The following SLC9A9 variants were observed in gnomAD, a reference collection of about 807,000 sequenced individuals.
The protein encoded by SLC9A9 is solute carrier family 9 member A9, also known as sodium/hydrogen exchanger 9.
In SLC9A9, 62 loss-of-function variants were observed where a neutral mutation model predicts 77.8. The observed-to-expected ratio is 0.80, with a 90% CI of 0.65 to 0.98. The LOEUF (loss-of-function observed/expected upper bound fraction) is 0.98. Ranked by LOEUF, SLC9A9 falls within the 50% of genes least tolerant of loss-of-function variation. The probability of loss-of-function intolerance (pLI) is 0.00; values close to 1 mark genes in which losing one functional copy is unlikely to be tolerated. For missense variants in SLC9A9, 775 were observed against 774.9 expected, an observed-to-expected ratio of 1.00 and a Z score of 0.00; for synonymous variants, 320 against 283.5, an observed-to-expected ratio of 1.13 and a Z score of -1.29.
At chr3:143,692,509 C>A (rs1184438637) in intron 5 of SLC9A9, among the ~76,000 whole-genome samples, 3 of 152,016 alleles carry the variant, frequency 2.0e-5, no homozygotes, top group African/African-American at 4.8e-5. Context: ...AAGGTGATTG[C>A]CCATATTTGA....
intron 1 of SLC9A9, among the ~76,000 whole-genome samples, chr3:143,832,726 T>G (rs983901416): frequency 6.7e-6 from 1 of 148,730 alleles, no homozygotes; most frequent in African/African-American, 2.6e-5. Context: ...TTTTTTTTTT[T>G]TGCTGGCAGG....
At chr3:143,502,667 G>A (rs557189870) in intron 9 of SLC9A9, among the ~76,000 whole-genome samples, 2 of 151,842 alleles carry the variant, frequency 1.3e-5, no homozygotes, top group South Asian at 2.1e-4. Context: ...TATGAGGCTC[G>A]ACACAGCTTT....
intron 14 of SLC9A9, among the ~76,000 whole-genome samples, chr3:143,272,384 T>C (rs7641350): frequency 0.4 from 60,405 of 152,104 alleles, 16,946 homozygotes; most frequent in African/African-American, 0.8. Context: ...TAGATACTTA[T>C]GAAATAGTAG....
At chr3:143,698,021 C>G (rs1274150108) in intron 4 of SLC9A9, 1 of 152,182 alleles carries the variant, frequency 6.6e-6, no homozygotes, top group African/African-American at 2.4e-5. Context: ...TTAGTTATAA[C>G]TACATTAACT....
At chr3:143,539,876 AAGAG>A (rs67678469) in intron 9 of SLC9A9, among the ~76,000 whole-genome samples, 18,243 of 150,494 alleles carry the variant, frequency 0.12, 1,181 homozygotes, top group East Asian at 0.15. Flanking sequence ...GTGAAAAATT[AAGAG>A]AGAGAGAGAG....
intron 4 of SLC9A9, among the ~76,000 whole-genome samples, chr3:143,759,932 C>G (rs1270736873): frequency 1.3e-5 from 2 of 152,040 alleles, no homozygotes; most frequent in East Asian, 3.9e-4. Flanking sequence ...CAACCAAGCC[C>G]ACTGAAAGTT....
intron 6 of SLC9A9, among the ~76,000 whole-genome samples, chr3:143,648,488 G>T (rs1433630391): frequency 6.6e-6 from 1 of 152,178 alleles, no homozygotes; most frequent in Non-Finnish European, 1.5e-5. Flanking sequence ...ACTGCTCACT[G>T]GCCCATTGCT....
chr3:143,276,005 G>GT (rs1247427234), intron 14 of SLC9A9, among the ~76,000 whole-genome samples: 1 of 152,138 alleles, frequency 6.6e-6, no homozygotes, highest in Non-Finnish European at 1.5e-5. Flanking sequence ...CTTTCCTGCT[G>GT]TTTCCCTCCC....
chr3:143,378,551 A>G (rs570659216), intron 13 of SLC9A9, among the ~76,000 whole-genome samples: 1 of 152,334 alleles, frequency 6.6e-6, no homozygotes, highest in South Asian at 2.1e-4. Context: ...GGCAAAAGGG[A>G]AAAAGAGAAG....
At chr3:143,745,181 T>A (rs1445076810) in intron 4 of SLC9A9, among the ~76,000 whole-genome samples, 1 of 151,768 alleles carries the variant, frequency 6.6e-6, no homozygotes, top group Non-Finnish European at 1.5e-5. Flanking sequence ...AAGAGAGAGA[T>A]GAGGCTTCCA....
intron 13 of SLC9A9, among the ~76,000 whole-genome samples, chr3:143,373,561 C>G (rs2033104632): frequency 7.1e-6 from 1 of 140,232 alleles, no homozygotes; most frequent in Non-Finnish European, 1.5e-5. Flanking sequence ...TATAATTCAT[C>G]CGTGTAACCA....
At chr3:143,690,342 T>C (rs1933420670) in intron 5 of SLC9A9, among the ~76,000 whole-genome samples, 1 of 152,094 alleles carries the variant, frequency 6.6e-6, no homozygotes, top group African/African-American at 2.4e-5. Flanking sequence ...ATTTGTGATA[T>C]AATTTCTCCT....
rs147467356 is a variant in SLC9A9, at chr3:143,337,594, G to A, written c.1604+25890C>T. Among the ~76,000 whole-genome samples, 775 of 152,292 alleles carry A rather than the reference G, an allele frequency of 5.1e-3. 4 individuals are homozygous for A. The highest frequency in any genetic ancestry group is 0.01 in the South Asian group (49 of 4,826). On this transcript the variant is annotated intron_variant, in intron 14 of 15. Transcript: ENST00000316549. ...CTGTAGCAGAATCCCCTGGGACGCT[G>A]GAGAAACATATGGCTCCCTTGGCCT...
chr3:143,267,920 G>A (rs1292305353), intron 15 of SLC9A9, among the ~76,000 whole-genome samples: 2 of 152,190 alleles, frequency 1.3e-5, no homozygotes, highest in Admixed American at 1.3e-4. Context: ...TCCAACTTTC[G>A]CCTGTCCCAG....
At chr3:143,336,868 G>A (rs1460869270) in intron 14 of SLC9A9, among the ~76,000 whole-genome samples, 1 of 151,880 alleles carries the variant, frequency 6.6e-6, no homozygotes, top group Non-Finnish European at 1.5e-5. Flanking sequence ...AAAATGCGAA[G>A]GTGGTAATTT....
At chr3:143,283,398 A>T (rs1049206252) in intron 14 of SLC9A9, among the ~76,000 whole-genome samples, 2 of 152,128 alleles carry the variant, frequency 1.3e-5, no homozygotes, top group Non-Finnish European at 2.9e-5. Context: ...GTTTGCCCTT[A>T]TACTTTCCTG....
At chr3:143,285,889 A>C (rs1938367451) in intron 14 of SLC9A9, among the ~76,000 whole-genome samples, 1 of 151,930 alleles carries the variant, frequency 6.6e-6, no homozygotes, top group Non-Finnish European at 1.5e-5. Flanking sequence ...GGAGCTGAGA[A>C]CTCTTTCTCC....
In SLC9A9 at chr3:143,495,368, A is replaced by G; in HGVS notation, c.1170T>C (p.His390=). 6.2e-7 allele frequency: 1 copy of G among 1,614,144 alleles called. No individual in the cohort carries two copies. ...CAAGTATAAAAAGAGCATTAAAGATATGATTCTGGAACGTGAACAGTGCCA... is the reference window on the plus strand; with the variant it reads ...CAAGTATAAAAAGAGCATTAAAGATGTGATTCTGGAACGTGAACAGTGCCA... ...MGLALFTFQN[H]IFNALFILGA... is the part of the protein sequence containing the mutation. The change falls in exon 10 of 16, where the codon CAT becomes CAC. Residue 390 remains histidine, a synonymous_variant. Coordinates refer to ENST00000316549, the MANE Select transcript of SLC9A9 (RefSeq NM_173653.4).
intron 12 of SLC9A9, among the ~76,000 whole-genome samples, chr3:143,447,073 TC>T (rs2034859733): frequency 6.6e-6 from 1 of 152,128 alleles, no homozygotes; most frequent in South Asian, 2.1e-4. Flanking sequence ...TACCACCTTA[TC>T]CCCCTCTAAG....
Sources: allele counts gnomAD v4.1 joint callset (sites outside exome capture counted in the v4.1 genomes callset), GRCh38; gene constraint gnomAD v4.1.1; transcripts MANE v1.5; gene names NCBI Gene and HGNC (gene_info 2026-07-23, HGNC 2026-07-21).